Variants in ITPR1 observed in about 807,000 individuals in gnomAD.
ITPR1 encodes the protein inositol 1,4,5-trisphosphate-gated calcium channel ITPR1.
In ITPR1, 96 loss-of-function variants were observed where a neutral mutation model predicts 318.4. The observed-to-expected ratio is 0.30, with a 90% CI of 0.26 to 0.36. The LOEUF (loss-of-function observed/expected upper bound fraction) is 0.36, where lower values mean the gene tolerates loss of function less well. Among genes scored for constraint, ITPR1 ranks in the 10% least tolerant of loss-of-function variants. The probability of loss-of-function intolerance (pLI) is 1.00; values close to 1 mark genes in which losing one functional copy is unlikely to be tolerated. For synonymous variants in ITPR1, 1,312 were observed against 1,289.9 expected (o/e 1.02, Z -0.37); for missense variants, 2,440 against 3,460.2 (o/e 0.71, Z 7.40).
At chr3:4,556,089 CAT>C (rs2086097210) in intron 4 of ITPR1, among the ~76,000 whole-genome samples, 1 of 152,072 alleles carries the variant, frequency 6.6e-6, no homozygotes, top group African/African-American at 2.4e-5. Flanking sequence ...ATCAAAGAAA[CAT>C]TTTTTCTAAT....
At chr3:4,561,826 CTGTT>C (rs771338226) in intron 4 of ITPR1, among the ~76,000 whole-genome samples, 26 of 151,992 alleles carry the variant, frequency 1.7e-4, no homozygotes, top group Non-Finnish European at 3.8e-4. Flanking sequence ...AAACAGATAA[CTGTT>C]TGTTTTGCTC....
intron 4 of ITPR1, among the ~76,000 whole-genome samples, chr3:4,623,438 C>T (rs1448849907): frequency 2.0e-5 from 3 of 152,180 alleles, no homozygotes; most frequent in South Asian, 2.1e-4. Flanking sequence ...ATACTTGTCA[C>T]ATAAGACATT....
chr3:4,688,101 T>C lies in ITPR1; in HGVS notation c.3703-394T>C, dbSNP rs562395807. Among the ~76,000 whole-genome samples, 130 of 151,714 alleles carry C rather than the reference T, an allele frequency of 8.6e-4. 3 individuals are homozygous for C. The South Asian group carries it at 0.024, about 27-fold the overall frequency. ...GTTAGAGATGGGTGTCTCACTATGT[T>C]GGCCAGGCTGTTCTCAAACTCCTGC... On this transcript the variant is annotated intron_variant, in intron 30 of 61. Transcript: ENST00000649015.
intron 35 of ITPR1, among the ~76,000 whole-genome samples, chr3:4,701,117 T>G (rs531340004): frequency 3.2e-4 from 49 of 152,184 alleles, no homozygotes; most frequent in Non-Finnish European, 8.8e-5. Flanking sequence ...GCTACTCTTA[T>G]CCATTTAATC....
intron 5 of ITPR1, among the ~76,000 whole-genome samples, chr3:4,630,544 C>A (rs1321927904): frequency 7.5e-6 from 1 of 133,742 alleles, no homozygotes; most frequent in Non-Finnish European, 1.6e-5. Flanking sequence ...TTTTTTTTTA[C>A]TATTTTAAAT....
intron 44 of ITPR1, among the ~76,000 whole-genome samples, chr3:4,763,084 A>G (rs2045564920): frequency 6.6e-6 from 1 of 152,220 alleles, no homozygotes; most frequent in South Asian, 2.1e-4. Flanking sequence ...CATTATCCTC[A>G]GCAAACTAAT....
intron 36 of ITPR1, among the ~76,000 whole-genome samples, chr3:4,705,353 C>CCTA (rs1467748036): frequency 6.6e-6 from 1 of 152,194 alleles, no homozygotes; most frequent in Admixed American, 6.5e-5. Flanking sequence ...TAGCAGGGCA[C>CCTA]CTTTGTCAAG....
chr3:4,680,514 A>G, intron 24 of ITPR1, 39 bp from the exon 25 acceptor site: 2 of 1,601,908 alleles, frequency 1.2e-6, no homozygotes, highest in Non-Finnish European at 1.7e-6. Flanking sequence ...TGGTATGTTA[A>G]TGTAACCAAT....
intron 55 of ITPR1, among the ~76,000 whole-genome samples, chr3:4,807,690 C>G (rs2048675625): frequency 2.0e-5 from 3 of 152,212 alleles, no homozygotes; most frequent in Admixed American, 1.3e-4. Flanking sequence ...TCTTTTCCCT[C>G]ATCTTAAAAT....
At chr3:4,813,823 G>A (rs184247249) in intron 57 of ITPR1, among the ~76,000 whole-genome samples, 4 of 152,336 alleles carry the variant, frequency 2.6e-5, no homozygotes, top group Admixed American at 6.5e-5. Context: ...GTTAAACTTC[G>A]TCCAGAGGAT....
intron 36 of ITPR1, among the ~76,000 whole-genome samples, chr3:4,704,282 C>G (rs781683208): frequency 2.0e-5 from 3 of 152,218 alleles, no homozygotes; most frequent in Admixed American, 6.5e-5. Context: ...CATGGCGGCG[C>G]ATGCCTGTAA....
chr3:4,729,134 A>G (rs111535520), intron 42 of ITPR1, among the ~76,000 whole-genome samples: 19 of 152,300 alleles, frequency 1.2e-4, no homozygotes, highest in African/African-American at 4.6e-4. Flanking sequence ...AATGCTGCCT[A>G]TGCCTGTGAA....
At chr3:4,540,802 C>G (rs1280000127) in intron 4 of ITPR1, among the ~76,000 whole-genome samples, 1 of 152,128 alleles carries the variant, frequency 6.6e-6, no homozygotes, top group African/African-American at 2.4e-5. Flanking sequence ...TCTTGAACTC[C>G]TGGGCTCAAA....
intron 4 of ITPR1, among the ~76,000 whole-genome samples, chr3:4,526,682 T>A (rs949404470): frequency 2.6e-5 from 4 of 152,262 alleles, no homozygotes; most frequent in African/African-American, 9.6e-5. Flanking sequence ...TAGGTCTTGA[T>A]GTTCCCATTA....
At chr3:4,665,343 A>C in intron 17 of ITPR1, 47 bp downstream of exon 17, 7 of 1,556,892 alleles carry the variant, frequency 4.5e-6, no homozygotes, top group Non-Finnish European at 6.1e-6. Context: ...TTCCTCCCTG[A>C]AGTTTGTGAA....
intron 44 of ITPR1, among the ~76,000 whole-genome samples, chr3:4,743,302 C>T (rs2043839040): frequency 6.6e-6 from 1 of 152,242 alleles, no homozygotes; most frequent in African/African-American, 2.4e-5. Context: ...AAATCCAGGT[C>T]TTAAGGAGGA....
intron 11 of ITPR1, among the ~76,000 whole-genome samples, chr3:4,652,986 T>C (rs1464851952): frequency 6.6e-6 from 1 of 152,010 alleles, no homozygotes; most frequent in Admixed American, 6.5e-5. Context: ...AGACTCTGTC[T>C]CAAAAAAAAT....
At chr3:4,584,118 A>T (rs1173604817) in intron 4 of ITPR1, among the ~76,000 whole-genome samples, 1 of 152,080 alleles carries the variant, frequency 6.6e-6, no homozygotes. Context: ...AAATTTGCAC[A>T]TCCTAAGTTT....
chr3:4,536,466 A>G (rs772172218), intron 4 of ITPR1, among the ~76,000 whole-genome samples: 8 of 152,190 alleles, frequency 5.3e-5, no homozygotes, highest in Non-Finnish European at 1.2e-4. Flanking sequence ...CACAGCCTCA[A>G]AGGTCATTGG....
Sources: allele counts gnomAD v4.1 joint callset (sites outside exome capture counted in the v4.1 genomes callset), GRCh38; gene constraint gnomAD v4.1.1; transcripts MANE v1.5; gene names NCBI Gene and HGNC (gene_info 2026-07-23, HGNC 2026-07-21).